Variants in ATP8A2 observed in about 807,000 individuals in gnomAD.
ATP8A2 encodes ATPase phospholipid transporting 8A2.
A neutral mutation model predicts 165.6 loss-of-function variants in ATP8A2; 100 were observed. The ratio of observed to expected loss-of-function variants is 0.60; its 90% CI spans 0.51 to 0.71. ATP8A2 has a LOEUF of 0.71. ATP8A2 is among the 30% of genes least tolerant of loss of function. The pLI, the probability that ATP8A2 is intolerant of heterozygous loss-of-function variation, is 0.00. For missense variants in ATP8A2, 1,227 were observed against 1,479.5 expected (o/e 0.83, Z 2.80); for synonymous variants, 543 against 548.8 (o/e 0.99, Z 0.15).
At chr13:25,754,509 TC>T (rs2044219858) in intron 25 of ATP8A2, among the ~76,000 whole-genome samples, 2 of 152,202 alleles carry the variant, frequency 1.3e-5, no homozygotes, top group Admixed American at 1.3e-4. Context: ...TGAAACATTT[TC>T]CTTTGACTGG....
At chr13:26,016,329 G>A (rs1192151449) in intron 36 of ATP8A2, among the ~76,000 whole-genome samples, 1 of 152,092 alleles carries the variant, frequency 6.6e-6, no homozygotes, top group African/African-American at 2.4e-5. Context: ...CAACAGGAGG[G>A]GCAACTCTTC....
At chr13:25,942,630 G>T (rs1459890373) in intron 33 of ATP8A2, among the ~76,000 whole-genome samples, 1 of 152,162 alleles carries the variant, frequency 6.6e-6, no homozygotes, top group African/African-American at 2.4e-5. Context: ...CACCATGTTG[G>T]CCAGGCTGGT....
intron 26 of ATP8A2, 99 bp downstream of exon 26, chr13:25,769,328 C>G: frequency 8.4e-7 from 1 of 1,193,474 alleles, no homozygotes; most frequent in Non-Finnish European, 1.2e-6. Context: ...CAAACCTCTG[C>G]CACCCCTCTT....
chr13:25,889,245 C>CTCATATATATATATATATAT (rs1385731913), intron 33 of ATP8A2, among the ~76,000 whole-genome samples: 6 of 109,972 alleles, frequency 5.5e-5, no homozygotes, highest in Non-Finnish European at 1.0e-4. Context: ...CATCCTTTGT[C>CTCATATATATATATATATAT]ATATATATAT....
chr13:25,524,923 CTTCCTTCCTTCCTTCT>C (rs1306873987), intron 2 of ATP8A2, among the ~76,000 whole-genome samples: 6 of 95,998 alleles, frequency 6.3e-5, no homozygotes, highest in Non-Finnish European at 1.7e-4. Context: ...TCCTTCCTTC[CTTCCTTCCTTCCTTCT>C]TTCCTTCCGT....
intron 28 of ATP8A2, among the ~76,000 whole-genome samples, chr13:25,828,623 G>A (rs967626516): frequency 6.6e-6 from 1 of 152,156 alleles, no homozygotes. Context: ...TCCTGAAAGG[G>A]TATCTGTCCT....
intron 10 of ATP8A2, among the ~76,000 whole-genome samples, chr13:25,543,895 A>AT (rs1445256654): frequency 6.6e-6 from 1 of 152,200 alleles, no homozygotes; most frequent in Non-Finnish European, 1.5e-5. Flanking sequence ...CTGTTTGTGA[A>AT]TTTATAGGTC....
chr13:25,796,545 G>A (rs1950501698), intron 27 of ATP8A2, among the ~76,000 whole-genome samples: 1 of 152,150 alleles, frequency 6.6e-6, no homozygotes, highest in African/African-American at 2.4e-5. Flanking sequence ...AATTAGATGG[G>A]GACCTACTGG....
intron 24 of ATP8A2, among the ~76,000 whole-genome samples, chr13:25,668,287 TG>T (rs1274461281): frequency 6.6e-6 from 1 of 152,198 alleles, no homozygotes; most frequent in Admixed American, 6.5e-5. Context: ...TTAGTAATTT[TG>T]CCAAGCATAG....
chr13:25,647,031 G>T (rs552136978), intron 24 of ATP8A2, among the ~76,000 whole-genome samples: 20 of 152,118 alleles, frequency 1.3e-4, no homozygotes, highest in African/African-American at 4.3e-4. Flanking sequence ...CCCATTTTAT[G>T]TTTTTAATGT....
At chr13:25,735,100 C>T (rs574414941) in intron 25 of ATP8A2, among the ~76,000 whole-genome samples, 12 of 152,204 alleles carry the variant, frequency 7.9e-5, no homozygotes, top group Admixed American at 2.6e-4. Context: ...GTTCCATTCC[C>T]CTGTCTTGAG....
intron 35 of ATP8A2, among the ~76,000 whole-genome samples, chr13:25,987,154 C>G (rs1331767503): frequency 1.3e-5 from 2 of 152,176 alleles, no homozygotes. Flanking sequence ...TTTCCCACTC[C>G]TGCGCCCTGT....
intron 33 of ATP8A2, among the ~76,000 whole-genome samples, chr13:25,900,058 G>A (rs531296902): frequency 1.3e-5 from 2 of 152,218 alleles, no homozygotes; most frequent in African/African-American, 4.8e-5. Flanking sequence ...TCATACATTT[G>A]GAAGAGCTTT....
At chr13:25,961,732 G>T in intron 34 of ATP8A2, 69 bp downstream of exon 34, 1 of 1,172,848 alleles carries the variant, frequency 8.5e-7, no homozygotes, top group Non-Finnish European at 1.3e-6. Context: ...TTTCTCATGA[G>T]TCCTGCTACA....
intron 2 of ATP8A2, among the ~76,000 whole-genome samples, chr13:25,471,535 G>A (rs776276657): frequency 1.7e-4 from 26 of 152,156 alleles, no homozygotes; most frequent in Non-Finnish European, 2.6e-4. Flanking sequence ...TAGAGACGGG[G>A]CTTCGCCATG....
At chr13:25,468,828 A>C (rs2035749216) in intron 1 of ATP8A2, 149 bp from the exon 2 acceptor site, 1 of 1,300,190 alleles carries the variant, frequency 7.7e-7, no homozygotes, top group Non-Finnish European at 9.8e-7. Context: ...CGGCGTCTCC[A>C]GGGGGAGCCA....
intron 27 of ATP8A2, among the ~76,000 whole-genome samples, chr13:25,794,231 G>A (rs1311695568): frequency 1.3e-5 from 2 of 152,130 alleles, no homozygotes; most frequent in South Asian, 2.1e-4. Flanking sequence ...AAAACCTTAC[G>A]GTGGCTTTAT....
intron 2 of ATP8A2, among the ~76,000 whole-genome samples, chr13:25,508,260 T>C (rs2037112740): frequency 6.6e-6 from 1 of 152,188 alleles, no homozygotes; most frequent in Non-Finnish European, 1.5e-5. Context: ...GAAATCTGAA[T>C]GCAGTGCGGA....
chr13:25,802,301 T>G (rs1233530800), intron 27 of ATP8A2, among the ~76,000 whole-genome samples: 1 of 152,124 alleles, frequency 6.6e-6, no homozygotes, highest in Non-Finnish European at 1.5e-5. Flanking sequence ...GGCAACTCCA[T>G]GGAGAGCTTG....
Sources: gnomAD v4.1 joint callset for allele counts (sites outside exome capture counted in the v4.1 genomes callset) on GRCh38, gnomAD v4.1.1 for gene constraint, MANE v1.5 for transcripts, NCBI Gene and HGNC (gene_info 2026-07-23, HGNC 2026-07-21) for gene names.